Variants in COA1 observed in about 807,000 individuals in gnomAD.
COA1 encodes cytochrome c oxidase assembly factor 1, also known as cytochrome c oxidase assembly factor 1 homolog.
Under a neutral mutation model 16.0 loss-of-function variants are expected in COA1, and 13 were observed. The ratio of observed to expected loss-of-function variants is 0.81; its 90% CI spans 0.53 to 1.29. The LOEUF is 1.29. Among genes scored for constraint, COA1 ranks in the 50% most tolerant of loss-of-function variants. The pLI is 0.00. For synonymous variants in COA1, 65 were observed against 65.7 expected (o/e 0.99, Z 0.05); for missense variants, 179 against 177.0 (o/e 1.01, Z -0.06).
rs940243979 is a variant in COA1, at chr7:43,729,462, C to G, written c.-72G>C. 6.6e-6 allele frequency: 1 copy of G among 152,292 alleles called. No homozygotes were observed. The highest frequency in any genetic ancestry group is 1.5e-5 in the Non-Finnish European group (1 of 68,086). The allele number at this position is 152,292 out of a possible 1,614,324, so 9.4% of individuals were successfully genotyped here. The stretch of plus-strand genomic sequence containing the variant: ...AACAGAAGCACCACGCTACAAAGAG[C>G]ATGACGAGTTCTTCCAGGCTTGGGA... On this transcript the variant is annotated 5_prime_UTR_variant, in exon 1 of 6. The change abolishes an upstream ATG in the 5' untranslated region. Transcript: ENST00000223336.
chr7:43,728,124 G>A (rs189994399), intron 1 of COA1, among the ~76,000 whole-genome samples: 2,287 of 152,088 alleles, frequency 0.015, 28 homozygotes, highest in Middle Eastern at 0.048. Flanking sequence ...ACAGGCTCCC[G>A]CCACCACGCC....
intron 1 of COA1, among the ~76,000 whole-genome samples, chr7:43,691,420 AAAAAGAAAG>A (rs1345643736): frequency 1.3e-5 from 1 of 78,928 alleles, no homozygotes; most frequent in Admixed American, 1.4e-4. Context: ...AGGAAGAAAG[AAAAAGAAAG>A]AAAGAAAGAA....
At chr7:43,704,912 T>G (rs2094912433) in intron 1 of COA1, among the ~76,000 whole-genome samples, 3 of 152,222 alleles carry the variant, frequency 2.0e-5, no homozygotes. Flanking sequence ...TTGCACTGGT[T>G]CTTTCTTACC....
At chr7:43,674,409 A>G (rs1012482374) in intron 1 of COA1, among the ~76,000 whole-genome samples, 7 of 152,240 alleles carry the variant, frequency 4.6e-5, no homozygotes, top group Non-Finnish European at 7.3e-5. Flanking sequence ...CTCATGTTCC[A>G]TATAATACAA....
chr7:43,691,433 G>T (rs879907771), intron 1 of COA1, among the ~76,000 whole-genome samples: 4,016 of 74,930 alleles, frequency 0.054, 65 homozygotes, highest in Admixed American at 0.11. Context: ...AAGAAAGAAA[G>T]AAAGAAAGAA....
intron 5 of COA1, among the ~76,000 whole-genome samples, chr7:43,640,149 A>G (rs2086685203): frequency 6.6e-6 from 1 of 152,244 alleles, no homozygotes; most frequent in Admixed American, 6.5e-5. Flanking sequence ...GAGTGGATGT[A>G]GCTATTGGCA....
At chr7:43,713,982 G>T (rs1401237313) in intron 1 of COA1, among the ~76,000 whole-genome samples, 3 of 149,062 alleles carry the variant, frequency 2.0e-5, no homozygotes, top group African/African-American at 7.4e-5. Context: ...GTTGCAGTGA[G>T]CCGAGATCAC....
intron 1 of COA1, among the ~76,000 whole-genome samples, chr7:43,671,851 A>G (rs1318346471): frequency 1.3e-5 from 2 of 151,830 alleles, no homozygotes; most frequent in African/African-American, 2.4e-5. Flanking sequence ...CACTGCTTGC[A>G]CTCATTCTCT....
chr7:43,728,029 C>T (rs1406898157), intron 1 of COA1, among the ~76,000 whole-genome samples: 1 of 149,128 alleles, frequency 6.7e-6, no homozygotes, highest in Non-Finnish European at 1.5e-5. Context: ...GGCTGGAGTG[C>T]AGTGGCGCAA....
At chr7:43,621,563 C>T (rs1030165449) in intron 6 of COA1, among the ~76,000 whole-genome samples, 1 of 152,066 alleles carries the variant, frequency 6.6e-6, no homozygotes, top group Non-Finnish European at 1.5e-5. Context: ...CTGCAGCTCC[C>T]AACTTGAGCT....
At chr7:43,706,626 T>C (rs552619844) in intron 1 of COA1, among the ~76,000 whole-genome samples, 2 of 152,220 alleles carry the variant, frequency 1.3e-5, no homozygotes, top group East Asian at 3.9e-4. Flanking sequence ...CCCAGAACTT[T>C]AGGAGGGCAA....
At chr7:43,613,582 C>T (rs2083072854) in intron 6 of COA1, among the ~76,000 whole-genome samples, 1 of 152,126 alleles carries the variant, frequency 6.6e-6, no homozygotes, top group South Asian at 2.1e-4. Context: ...GTGGCTCACA[C>T]CTGTAATCCC....
intron 1 of COA1, among the ~76,000 whole-genome samples, chr7:43,725,447 G>C (rs192962616): frequency 1.7e-4 from 26 of 152,314 alleles, no homozygotes; most frequent in African/African-American, 6.0e-4. Context: ...CTGGAATCAA[G>C]CCAAGGGGAA....
At chr7:43,644,785 G>GACA (rs1563229504) in intron 4 of COA1, among the ~76,000 whole-genome samples, 106 of 107,364 alleles carry the variant, frequency 9.9e-4, no homozygotes, top group Middle Eastern at 9.3e-3. Flanking sequence ...CAGGCAGGCA[G>GACA]GCAGGCAGAG....
intron 1 of COA1, among the ~76,000 whole-genome samples, chr7:43,691,422 A>AGGAAGGAAGG (rs1387612637): frequency 2.5e-4 from 5 of 20,050 alleles, no homozygotes; most frequent in East Asian, 1.9e-3. Flanking sequence ...GAAGAAAGAA[A>AGGAAGGAAGG]AAGAAAGAAA....
chr7:43,680,839 C>T (rs147447095), intron 1 of COA1, among the ~76,000 whole-genome samples: 4,947 of 152,072 alleles, frequency 0.033, 106 homozygotes, highest in Non-Finnish European at 0.047. Flanking sequence ...AGTATGGTGG[C>T]GTGTGCCTGT....
At chr7:43,687,694 AAT>A (rs1376269110) in intron 1 of COA1, among the ~76,000 whole-genome samples, 8 of 152,196 alleles carry the variant, frequency 5.3e-5, no homozygotes, top group African/African-American at 1.9e-4. Flanking sequence ...CCAAAAAGAA[AAT>A]AGTGTTTTAT....
downstream of COA1, among the ~76,000 whole-genome samples, chr7:43,636,892 G>T (rs2085965697): frequency 6.6e-6 from 1 of 152,166 alleles, no homozygotes; most frequent in Non-Finnish European, 1.5e-5. Flanking sequence ...AATCTTTGAT[G>T]GCCACAAATT....
downstream of COA1, among the ~76,000 whole-genome samples, chr7:43,635,399 G>A (rs1288993248): frequency 2.0e-5 from 3 of 152,148 alleles, no homozygotes; most frequent in Non-Finnish European, 4.4e-5. Flanking sequence ...GCTTGTAAGG[G>A]TTTATGTCTC....
Sources: gnomAD v4.1 joint callset for allele counts (sites outside exome capture counted in the v4.1 genomes callset) on GRCh38, gnomAD v4.1.1 for gene constraint, MANE v1.5 for transcripts, NCBI Gene and HGNC (gene_info 2026-07-23, HGNC 2026-07-21) for gene names.